Variants in CTNNA2 observed in about 807,000 individuals in gnomAD.
The protein encoded by CTNNA2 is catenin alpha 2.
CTNNA2 carries 42 observed loss-of-function variants against 101.0 expected under a neutral mutation model. The ratio of observed to expected loss-of-function variants is 0.42; its 90% CI spans 0.32 to 0.54. CTNNA2 has a LOEUF of 0.54. CTNNA2 is among the 20% of genes least tolerant of loss of function. The pLI is 0.14. For missense variants in CTNNA2, 871 were observed against 1,223.1 expected (o/e 0.71, Z 4.29); for synonymous variants, 450 against 456.4 (o/e 0.99, Z 0.18).
intron 2 of CTNNA2, among the ~76,000 whole-genome samples, chr2:79,718,797 A>C (rs13034695): frequency 0.17 from 26,095 of 151,710 alleles, 2,567 homozygotes; most frequent in Middle Eastern, 0.23. Flanking sequence ...ATGTACAGCA[A>C]ATATTTAAGG....
chr2:79,999,252 A>G (rs1439594779), intron 7 of CTNNA2, among the ~76,000 whole-genome samples: 3 of 150,722 alleles, frequency 2.0e-5, no homozygotes, highest in Non-Finnish European at 4.5e-5. Context: ...TGCAGCCCTA[A>G]GGTGTCTTTA....
At chr2:79,854,935 T>G (rs925131178) in intron 3 of CTNNA2, among the ~76,000 whole-genome samples, 37 of 152,218 alleles carry the variant, frequency 2.4e-4, no homozygotes, top group African/African-American at 8.9e-4. Context: ...AATTTTATCC[T>G]GATAAACTTG....
intron 7 of CTNNA2, among the ~76,000 whole-genome samples, chr2:80,330,512 T>G (rs1671223063): frequency 6.7e-6 from 1 of 149,624 alleles, no homozygotes; most frequent in African/African-American, 2.5e-5. Context: ...TTTTTTTTTT[T>G]GCAATTGAAA....
intron 2 of CTNNA2, among the ~76,000 whole-genome samples, chr2:79,654,712 T>C (rs560413073): frequency 6.6e-6 from 1 of 152,310 alleles, no homozygotes; most frequent in South Asian, 2.1e-4. Flanking sequence ...CATCTTTGTA[T>C]GTAATTGGAG....
chr2:80,033,306 T>A (rs1176736120), intron 7 of CTNNA2, among the ~76,000 whole-genome samples: 3 of 152,170 alleles, frequency 2.0e-5, no homozygotes, highest in Admixed American at 2.0e-4. Context: ...TTCATACCTG[T>A]AATCCCAGCA....
chr2:80,053,651 G>A (rs780332243), intron 7 of CTNNA2, among the ~76,000 whole-genome samples: 2 of 152,180 alleles, frequency 1.3e-5, no homozygotes, highest in Admixed American at 6.5e-5. Context: ...TCAGGTCTGG[G>A]ATTATGCACT....
At chr2:79,584,814 C>T (rs544205280) in intron 1 of CTNNA2, among the ~76,000 whole-genome samples, 1 of 152,182 alleles carries the variant, frequency 6.6e-6, no homozygotes, top group Non-Finnish European at 1.5e-5. Context: ...GCCACCGCAC[C>T]CGGCGCAAGC....
chr2:79,491,613 C>A lies in CTNNA2; in HGVS notation c.-134-13441C>A, dbSNP rs985184745. On this transcript the variant is annotated intron_variant, in intron 4 of 21. Coordinates refer to the CTNNA2 transcript ENST00000466387. Reference sequence around the variant, plus strand: ...TCAGAAGAGTAACTCTGAACTGTGTCTCCAGAAGAGTTGTAACCTCCTTTC... The same window carrying A: ...TCAGAAGAGTAACTCTGAACTGTGTATCCAGAAGAGTTGTAACCTCCTTTC... 3.9e-5 allele frequency among the ~76,000 whole-genome samples: 6 copies of A among 152,078 alleles called. No individual in the cohort carries two copies. In the South Asian group the frequency reaches 1.0e-3, roughly 26 times the overall value.
chr2:79,989,834 C>T (rs1692042711), intron 7 of CTNNA2, among the ~76,000 whole-genome samples: 2 of 152,260 alleles, frequency 1.3e-5, no homozygotes, highest in Admixed American at 6.5e-5. Context: ...GTGTCAGTGA[C>T]AGGGTGACAT....
intron 2 of CTNNA2, among the ~76,000 whole-genome samples, chr2:79,700,799 C>T (rs1025014066): frequency 2.0e-5 from 3 of 152,158 alleles, no homozygotes; most frequent in Non-Finnish European, 2.9e-5. Context: ...GGCTGTTCTA[C>T]TGAATCATCA....
chr2:80,308,358 C>T (rs1162370476), intron 7 of CTNNA2, among the ~76,000 whole-genome samples: 4 of 152,158 alleles, frequency 2.6e-5, no homozygotes, highest in Admixed American at 6.6e-5. Context: ...GTTCTGTCAT[C>T]GCTAGCACCA....
chr2:79,528,277 A>C (rs748678256), intron 1 of CTNNA2, among the ~76,000 whole-genome samples: 1 of 151,994 alleles, frequency 6.6e-6, no homozygotes, highest in South Asian at 2.1e-4. Context: ...CAGTGGTGCA[A>C]CCATAGCTTA....
intron 12 of CTNNA2, among the ~76,000 whole-genome samples, chr2:80,563,060 AAAG>A (rs140957107): frequency 0.14 from 20,411 of 145,988 alleles, 1,815 homozygotes; most frequent in Middle Eastern, 0.21. Context: ...AAAAAAAAAA[AAAG>A]AAAGACATGA....
chr2:79,610,180 T>C (rs1026530127), intron 1 of CTNNA2, among the ~76,000 whole-genome samples: 3 of 152,106 alleles, frequency 2.0e-5, no homozygotes, highest in Non-Finnish European at 2.9e-5. Context: ...TTCAGCATCA[T>C]TGGTCACTAA....
At chr2:80,110,769 A>T (rs1236109045) in intron 7 of CTNNA2, among the ~76,000 whole-genome samples, 3 of 152,164 alleles carry the variant, frequency 2.0e-5, no homozygotes, top group African/African-American at 7.2e-5. Flanking sequence ...TGGAAGGTTG[A>T]TTGGAACTTG....
chr2:79,876,729 A>G (rs1451133337), intron 6 of CTNNA2, among the ~76,000 whole-genome samples: 2 of 152,184 alleles, frequency 1.3e-5, no homozygotes, highest in East Asian at 3.9e-4. Context: ...CGTCAGTGCA[A>G]CAGTGCAAAA....
chr2:79,764,383 C>T (rs928994575), intron 3 of CTNNA2, among the ~76,000 whole-genome samples: 2 of 152,064 alleles, frequency 1.3e-5, no homozygotes, highest in African/African-American at 4.8e-5. Context: ...TATTATTCAA[C>T]TAATAAAAAT....
intron 1 of CTNNA2, among the ~76,000 whole-genome samples, chr2:79,529,264 G>C (rs182010348): frequency 6.6e-6 from 1 of 152,228 alleles, no homozygotes; most frequent in East Asian, 1.9e-4. Flanking sequence ...GAAGACTTAG[G>C]AACCATCTGA....
chr2:79,472,089 T>G (rs2104548031), intron 4 of CTNNA2, among the ~76,000 whole-genome samples: 1 of 152,310 alleles, frequency 6.6e-6, no homozygotes, highest in Non-Finnish European at 1.5e-5. Flanking sequence ...GGTGAAATTC[T>G]TCTCCTGCTG....
Sources: gnomAD v4.1 joint callset for allele counts (sites outside exome capture counted in the v4.1 genomes callset) on GRCh38, gnomAD v4.1.1 for gene constraint, MANE v1.5 for transcripts, NCBI Gene and HGNC (gene_info 2026-07-23, HGNC 2026-07-21) for gene names.